The following TRAPPC9 variants were observed in gnomAD, a reference collection of about 807,000 sequenced individuals.
TRAPPC9 encodes the protein trafficking protein particle complex subunit 9.
A neutral mutation model predicts 124.0 loss-of-function variants in TRAPPC9; 83 were observed. That is an observed-to-expected ratio of 0.67 (90% CI 0.56 to 0.80). TRAPPC9 has a LOEUF of 0.80. Ranked by LOEUF, TRAPPC9 falls within the 30% of genes least tolerant of loss-of-function variation. The probability of loss-of-function intolerance (pLI) is 0.00; values close to 1 mark genes in which losing one functional copy is unlikely to be tolerated. For synonymous variants in TRAPPC9, 638 were observed against 617.5 expected (o/e 1.03, Z -0.49); for missense variants, 1,302 against 1,508.3 (o/e 0.86, Z 2.27).
intron 21 of TRAPPC9, among the ~76,000 whole-genome samples, chr8:139,867,321 G>C (rs1828610354): frequency 2.0e-5 from 3 of 152,138 alleles, no homozygotes; most frequent in South Asian, 4.2e-4. Context: ...GTCAAATCAG[G>C]ATAATCTGGG....
chr8:140,242,237 A>G (rs2063876751), intron 16 of TRAPPC9, among the ~76,000 whole-genome samples: 1 of 152,142 alleles, frequency 6.6e-6, no homozygotes, highest in Admixed American at 6.6e-5. Flanking sequence ...AGAAAACTGT[A>G]AGACACACCA....
chr8:140,354,598 AC>A (rs368229485), intron 9 of TRAPPC9, among the ~76,000 whole-genome samples: 9 of 152,342 alleles, frequency 5.9e-5, no homozygotes, highest in African/African-American at 1.9e-4. Flanking sequence ...TTCACAAAGG[AC>A]AAGAAAGCTA....
intron 21 of TRAPPC9, among the ~76,000 whole-genome samples, chr8:139,769,661 AAAGTG>A (rs1291673149): frequency 6.6e-6 from 1 of 152,256 alleles, no homozygotes; most frequent in African/African-American, 2.4e-5. Flanking sequence ...AAACAAAAAT[AAAGTG>A]AAGAATAAAA....
intron 17 of TRAPPC9, among the ~76,000 whole-genome samples, chr8:140,121,576 G>T (rs991323795): frequency 3.9e-5 from 6 of 152,176 alleles, no homozygotes; most frequent in Admixed American, 3.9e-4. Context: ...GCCCCAGAGA[G>T]GACAGAGTGG....
At chr8:140,122,013 C>A (rs968975450) in intron 17 of TRAPPC9, among the ~76,000 whole-genome samples, 4 of 129,890 alleles carry the variant, frequency 3.1e-5, no homozygotes, top group South Asian at 2.5e-4. Context: ...CCATCTCTTT[C>A]TTTCTTTCTT....
chr8:140,349,110 G>A (rs1261349617), intron 9 of TRAPPC9, among the ~76,000 whole-genome samples: 4 of 132,358 alleles, frequency 3.0e-5, no homozygotes, highest in African/African-American at 1.1e-4. Context: ...AAGCGGGGGG[G>A]CTGAAGACGG....
At chr8:139,850,451 C>T (rs1433020263) in intron 21 of TRAPPC9, among the ~76,000 whole-genome samples, 1 of 152,204 alleles carries the variant, frequency 6.6e-6, no homozygotes, top group Admixed American at 6.5e-5. Context: ...ATTGCAATCC[C>T]AGCATTGCCT....
intron 17 of TRAPPC9, among the ~76,000 whole-genome samples, chr8:140,026,987 T>A (rs1276260546): frequency 6.6e-6 from 1 of 152,212 alleles, no homozygotes; most frequent in African/African-American, 2.4e-5. Flanking sequence ...TGCTGATTTC[T>A]TGTGAACACG....
At chr8:140,290,558 G>A (rs1463387337) in intron 12 of TRAPPC9, among the ~76,000 whole-genome samples, 1 of 152,100 alleles carries the variant, frequency 6.6e-6, no homozygotes, top group Non-Finnish European at 1.5e-5. Context: ...AGCTCGTGGT[G>A]GTGGTGGTGT....
intron 21 of TRAPPC9, among the ~76,000 whole-genome samples, chr8:139,760,124 G>A (rs975199038): frequency 4.6e-5 from 7 of 152,326 alleles, no homozygotes; most frequent in East Asian, 1.9e-4. Flanking sequence ...GGTGTGGAGC[G>A]TAGTGTATAT....
intron 21 of TRAPPC9, among the ~76,000 whole-genome samples, chr8:139,767,920 A>C (rs1338892760): frequency 1.3e-5 from 2 of 152,268 alleles, no homozygotes; most frequent in African/African-American, 4.8e-5. Context: ...TGTAATATTT[A>C]TGGAGGGCAA....
At chr8:139,957,698 C>T (rs1835090768) in intron 19 of TRAPPC9, among the ~76,000 whole-genome samples, 1 of 152,174 alleles carries the variant, frequency 6.6e-6, no homozygotes, top group Admixed American at 6.5e-5. Context: ...GCATGCCATG[C>T]AGGAAACCCT....
intron 19 of TRAPPC9, among the ~76,000 whole-genome samples, chr8:139,976,884 C>G (rs1211149353): frequency 6.6e-6 from 1 of 152,146 alleles, no homozygotes; most frequent in East Asian, 1.9e-4. Context: ...TGTGGGGGAG[C>G]TGTAGGGGGA....
At chr8:140,354,968 T>C (rs1007248719) in intron 9 of TRAPPC9, among the ~76,000 whole-genome samples, 5 of 152,356 alleles carry the variant, frequency 3.3e-5, no homozygotes, top group African/African-American at 1.2e-4. Context: ...AATATCATTA[T>C]ATAAAGGTCT....
intron 17 of TRAPPC9, among the ~76,000 whole-genome samples, chr8:140,183,456 C>T (rs556313673): frequency 2.6e-5 from 4 of 152,266 alleles, no homozygotes; most frequent in East Asian, 3.9e-4. Context: ...AATTCCACCT[C>T]GATTACGTAT....
chr8:139,904,440 G>C (rs1418141843), intron 20 of TRAPPC9: 1 of 152,284 alleles, frequency 6.6e-6, no homozygotes, highest in East Asian at 1.9e-4. Flanking sequence ...CCTGAGGTCA[G>C]GTAGCAGCGT....
intron 17 of TRAPPC9, among the ~76,000 whole-genome samples, chr8:140,070,069 C>T (rs1178033097): frequency 2.6e-5 from 4 of 152,236 alleles, no homozygotes; most frequent in Admixed American, 2.6e-4. Flanking sequence ...CCCCAACTCA[C>T]ACGCCAGTCC....
intron 10 of TRAPPC9, among the ~76,000 whole-genome samples, chr8:140,309,354 G>A (rs548430187): frequency 6.6e-6 from 1 of 152,352 alleles, no homozygotes; most frequent in African/African-American, 2.4e-5. Context: ...GAAGTGTAAA[G>A]AGACTGCTTC....
chr8:140,299,165 A>T lies in TRAPPC9; in HGVS notation c.1768+1304T>A, dbSNP rs112876187. On this transcript the variant is annotated intron_variant, in intron 11 of 22. Coordinates refer to ENST00000438773, the MANE Select transcript of TRAPPC9 (RefSeq NM_001160372.4). The stretch of plus-strand genomic sequence containing the variant: ...GCAGGGGACGAGTTCCTGGCAAAGG[A>T]AAGAGCGAGCCCCAAAGCCCTGGGC... Among the ~76,000 whole-genome samples the T allele has an allele frequency of 1.8e-3, 275 of 152,348 alleles. 1 individual carries two copies. Among genetic ancestry groups the T allele is most frequent in the African/African-American group, 6.3e-3 (262 of 41,588 alleles).
Sources: allele counts gnomAD v4.1 joint callset (sites outside exome capture counted in the v4.1 genomes callset), GRCh38; gene constraint gnomAD v4.1.1; transcripts MANE v1.5; gene names NCBI Gene and HGNC (gene_info 2026-07-23, HGNC 2026-07-21).